The following HHAT variants were observed in gnomAD, a reference collection of about 807,000 sequenced individuals.
The protein encoded by HHAT is protein-cysteine N-palmitoyltransferase HHAT.
Under a neutral mutation model 70.8 loss-of-function variants are expected in HHAT, and 47 were observed. That is an observed-to-expected ratio of 0.66 (90% CI 0.53 to 0.85). The LOEUF (loss-of-function observed/expected upper bound fraction) is 0.85, where lower values mean the gene tolerates loss of function less well. Ranked by LOEUF, HHAT falls within the 40% of genes least tolerant of loss-of-function variation. The pLI is 0.00. For missense variants in HHAT, 609 were observed against 604.8 expected (o/e 1.01, Z -0.07); for synonymous variants, 228 against 247.6 (o/e 0.92, Z 0.74).
chr1:210,399,784 A>C (rs994117299), intron 4 of HHAT, among the ~76,000 whole-genome samples: 1 of 152,202 alleles, frequency 6.6e-6, no homozygotes, highest in Non-Finnish European at 1.5e-5. Flanking sequence ...TGATAACTAT[A>C]AATTAGTTGA....
chr1:210,411,314 G>T (rs2092545619), intron 6 of HHAT, among the ~76,000 whole-genome samples: 1 of 152,174 alleles, frequency 6.6e-6, no homozygotes, highest in Non-Finnish European at 1.5e-5. Context: ...CTGAGCTTTG[G>T]GTAGGTTATG....
intron 10 of HHAT, chr1:210,588,669 G>A (rs1661027509): frequency 6.6e-6 from 1 of 152,336 alleles, no homozygotes. Flanking sequence ...ATTCTCGTAA[G>A]TGAAATTTCC....
At chr1:210,392,913 G>A (rs934403173) in intron 4 of HHAT, among the ~76,000 whole-genome samples, 3 of 151,920 alleles carry the variant, frequency 2.0e-5, no homozygotes, top group African/African-American at 7.3e-5. Flanking sequence ...CTCCTGTTTC[G>A]CACCTGACAT....
chr1:210,448,613 C>T (rs1006729427), intron 7 of HHAT, among the ~76,000 whole-genome samples: 1 of 152,086 alleles, frequency 6.6e-6, no homozygotes, highest in African/African-American at 2.4e-5. Context: ...TGCTTCTAGA[C>T]CAGAGAGAGA....
intron 6 of HHAT, among the ~76,000 whole-genome samples, chr1:210,408,622 C>T (rs1394699222): frequency 6.6e-6 from 1 of 152,166 alleles, no homozygotes; most frequent in African/African-American, 2.4e-5. Context: ...CATGCTTGGG[C>T]TCAGAAGAGG....
chr1:210,566,098 A>G (rs1480913137), intron 9 of HHAT, among the ~76,000 whole-genome samples: 2 of 152,206 alleles, frequency 1.3e-5, no homozygotes, highest in Admixed American at 6.5e-5. Flanking sequence ...TAGATCTGCC[A>G]TGCTTTGCTG....
chr1:210,643,356 G>T (rs1673349817), intron 11 of HHAT, among the ~76,000 whole-genome samples: 1 of 152,186 alleles, frequency 6.6e-6, no homozygotes, highest in African/African-American at 2.4e-5. Flanking sequence ...ATATAAATTT[G>T]TTAAGAATTG....
At chr1:210,404,105 C>T (rs866274733) in intron 5 of HHAT, among the ~76,000 whole-genome samples, 1 of 152,166 alleles carries the variant, frequency 6.6e-6, no homozygotes, top group Non-Finnish European at 1.5e-5. Flanking sequence ...AAGAAGCTGT[C>T]AAAGTATCCA....
chr1:210,671,174 T>A (rs1480010148), intron 11 of HHAT, among the ~76,000 whole-genome samples: 1 of 152,128 alleles, frequency 6.6e-6, no homozygotes, highest in Non-Finnish European at 1.5e-5. Context: ...AAATGAAACA[T>A]CCCCATTGGC....
intron 8 of HHAT, among the ~76,000 whole-genome samples, chr1:210,471,471 A>G (rs550642572): frequency 6.6e-6 from 1 of 152,038 alleles, no homozygotes; most frequent in South Asian, 2.1e-4. Context: ...AGACTTGGCT[A>G]GGAGAGAGGA....
At chr1:210,575,379 A>G (rs1657456872) in intron 9 of HHAT, among the ~76,000 whole-genome samples, 1 of 152,176 alleles carries the variant, frequency 6.6e-6, no homozygotes, top group Admixed American at 6.5e-5. Flanking sequence ...CCTTTTTATT[A>G]GCAATTAGAC....
chr1:210,645,825 G>C (rs1003909042), intron 11 of HHAT, among the ~76,000 whole-genome samples: 2 of 152,150 alleles, frequency 1.3e-5, no homozygotes, highest in Admixed American at 1.3e-4. Flanking sequence ...GAGACTTGTA[G>C]TGGTTCATGC....
intron 8 of HHAT, among the ~76,000 whole-genome samples, chr1:210,507,686 C>T (rs12122881): frequency 2.6e-4 from 39 of 151,804 alleles, no homozygotes; most frequent in Admixed American, 7.2e-4. Context: ...GAGTTCATTG[C>T]ATTGCTAGTG....
chr1:210,387,495 T>G lies in HHAT; in HGVS notation c.187T>G (p.Trp63Gly). Residue 63 changes from tryptophan to glycine, a missense_variant, in exon 4 of 12, where the codon TGG becomes GGG. Transcript: ENST00000261458. ...KDATDFEWSF[W>G]MEWGKQWLVW... Reference sequence around the variant, plus strand: ...TGCGACCGACTTTGAGTGGAGCTTCTGGATGGAATGGGGGAAGCAGTGGCT... The same window carrying G: ...TGCGACCGACTTTGAGTGGAGCTTCGGGATGGAATGGGGGAAGCAGTGGCT... The G allele has an allele frequency of 5.6e-6, 9 of 1,614,170 alleles. No individual in the cohort carries two copies. The highest frequency in any genetic ancestry group is 7.6e-6 in the Non-Finnish European group (9 of 1,180,010).
chr1:210,474,822 GT>G (rs71743746), intron 8 of HHAT, among the ~76,000 whole-genome samples: 24,307 of 142,104 alleles, frequency 0.17, 2,151 homozygotes, highest in East Asian at 0.41. Context: ...CACCTCAGGT[GT>G]TTTTTTTTTT....
At chr1:210,658,090 T>TCAG (rs1676829771) in intron 11 of HHAT, among the ~76,000 whole-genome samples, 1 of 152,218 alleles carries the variant, frequency 6.6e-6, no homozygotes, top group Admixed American at 6.5e-5. Flanking sequence ...ATGCATGCCC[T>TCAG]GGTTCTAGGG....
Position 210,389,077 on chromosome 1 carries a change from A to G in HHAT, c.273+1496A>G, listed in dbSNP as rs192980933. Reference sequence around the variant, plus strand: ...TCTTAGTGCATTTTTGTTGCTTATAAGAGAATACATAAAACTGAGTAATTT... The same window carrying G: ...TCTTAGTGCATTTTTGTTGCTTATAGGAGAATACATAAAACTGAGTAATTT... On this transcript the variant is annotated intron_variant, in intron 4 of 11. Transcript: ENST00000261458. Among the ~76,000 whole-genome samples, 7 of 152,320 alleles carry G rather than the reference A, an allele frequency of 4.6e-5. No individual in the cohort carries two copies. The East Asian group carries it at 7.7e-4, about 17-fold the overall frequency.
At chr1:210,601,477 A>T (rs1426722027) in intron 10 of HHAT, among the ~76,000 whole-genome samples, 1 of 152,092 alleles carries the variant, frequency 6.6e-6, no homozygotes, top group Non-Finnish European at 1.5e-5. Flanking sequence ...GAAATCAAGC[A>T]CTTACTGGAC....
At chr1:210,446,801 A>G (rs2093643796) in intron 7 of HHAT, among the ~76,000 whole-genome samples, 1 of 152,206 alleles carries the variant, frequency 6.6e-6, no homozygotes. Flanking sequence ...TGGTGACTCA[A>G]AGAGAAACAG....
Sources: allele counts gnomAD v4.1 joint callset (sites outside exome capture counted in the v4.1 genomes callset), GRCh38; gene constraint gnomAD v4.1.1; transcripts MANE v1.5; gene names NCBI Gene and HGNC (gene_info 2026-07-23, HGNC 2026-07-21).